The following ENTPD2 variants were observed in gnomAD, a reference collection of about 807,000 sequenced individuals.
ENTPD2 encodes the protein CD39 antigen-like 1.
In ENTPD2, 48 loss-of-function variants were observed where a neutral mutation model predicts 46.8. The ratio of observed to expected loss-of-function variants is 1.03; its 90% CI spans 0.81 to 1.30. The LOEUF is 1.30. ENTPD2 is among the 50% of genes most tolerant of loss of function. The probability of loss-of-function intolerance (pLI) is 0.00; values close to 1 mark genes in which losing one functional copy is unlikely to be tolerated. For synonymous variants in ENTPD2, 316 were observed against 286.1 expected, an observed-to-expected ratio of 1.10 and a Z score of -1.06; for missense variants, 707 against 651.1, an observed-to-expected ratio of 1.09 and a Z score of -0.93.
At position 137,052,279 on chromosome 9, in the gene ENTPD2, C is replaced by T. The variant is rs140457830; in HGVS notation, c.187G>A (p.Glu63Lys). The change falls in exon 2 of 9, where the codon GAG becomes AAG. Residue 63 changes from glutamate to lysine, a missense_variant. Glu to Lys is a moderately conservative substitution (Grantham distance 56). Transcript: ENST00000355097. ...MFIYKWPADK[E>K]NDTGIVGQHS... ...TGGCCCACAATGCCTGTGTCGTTCTCCTTGTCTGCCGGCCACTTGTAGATA... is the reference window on the plus strand; with the variant it reads ...TGGCCCACAATGCCTGTGTCGTTCTTCTTGTCTGCCGGCCACTTGTAGATA... 1.2e-6 allele frequency: 2 copies of T among 1,612,782 alleles called. No homozygotes were observed. The highest frequency in any genetic ancestry group is 1.3e-5 in the African/African-American group (1 of 75,004).
intron 1 of ENTPD2, chr9:137,052,896 C>T (rs1433554140): frequency 6.6e-6 from 1 of 152,404 alleles, no homozygotes; most frequent in Non-Finnish European, 1.5e-5. Context: ...AAGACACTCT[C>T]CCTAGGCCTC....
At chr9:137,051,702 C>T (rs747980495) in intron 2 of ENTPD2, 42 bp from the exon 3 acceptor site, 6 of 1,560,764 alleles carry the variant, frequency 3.8e-6, no homozygotes, top group Middle Eastern at 3.7e-4. Flanking sequence ...TCACGGGCAG[C>T]CCCTAGGTGG....
In ENTPD2 at chr9:137,048,991, C is replaced by T; in HGVS notation, c.1234G>A (p.Gly412Ser). 1.3e-6 allele frequency: 2 copies of T among 1,537,190 alleles called. No homozygotes were observed. The highest frequency in any genetic ancestry group is 1.7e-6 in the Non-Finnish European group (2 of 1,144,962). ...AAGGCGCGCTCGTCGAAGCCGTAGC[C>T]GCGACTCAGCAGCTGCTGCACGAAC... ...AMFVQQLLSR[G>S]YGFDERAFGG... is the part of the protein sequence containing the mutation. Residue 412 changes from glycine to serine, a missense_variant, in exon 8 of 9, where the codon GGC becomes AGC. Coordinates refer to ENST00000355097, the MANE Select transcript of ENTPD2 (RefSeq NM_203468.3).
rs1191538996 is a variant in ENTPD2 at position 137,049,091 on chromosome 9, G to A, written c.1150-16C>T. On this transcript the variant is annotated splice_polypyrimidine_tract_variant and intron_variant, in intron 7 of 8. Transcript: ENST00000355097. The stretch of plus-strand genomic sequence containing the variant: ...GAGCTTGCAGCTGGGACGCGGGCGG[G>A]ACACCGTCAGGCAGGCGACCACCAG... 1.2e-5 allele frequency: 19 copies of A among 1,530,356 alleles called. No homozygotes were observed. Among genetic ancestry groups the A allele is most frequent in the Non-Finnish European group, 1.6e-5 (18 of 1,143,994 alleles). The allele number at this position is 1,530,356 out of a possible 1,614,324, so 94.8% of individuals were successfully genotyped here. A position where few individuals can be genotyped will look rare whatever the true frequency, so the allele number is the denominator to read the frequency against.
At position 137,048,707 on chromosome 9, in the gene ENTPD2, C is replaced by A; in HGVS notation, c.1438G>T (p.Val480Phe). The change falls in exon 9 of 9, where the codon GTC becomes TTC. Residue 480 changes from valine (V) to phenylalanine (F), a missense_variant. Physicochemically the swap from Val to Phe is conservative, Grantham distance 50. Transcript: ENST00000355097. Reference sequence around the variant, plus strand: ...GAGTGCACCTGACGCAGCAGCAGGACAAGCGCAGCCAGGAGCGCGGAGGCG... The same window carrying A: ...GAGTGCACCTGACGCAGCAGCAGGAAAAGCGCAGCCAGGAGCGCGGAGGCG... ...LFASALLAALVLLLRQVHSAK... is the reference protein window; with the variant it reads ...LFASALLAALFLLLRQVHSAK... The A allele has an allele frequency of 6.2e-7, 1 of 1,606,122 alleles. No individual in the cohort carries two copies. Among genetic ancestry groups the A allele is most frequent in the Non-Finnish European group, 8.5e-7 (1 of 1,177,088 alleles).
intron 2 of ENTPD2, 61 bp downstream of exon 2, chr9:137,052,170 G>A (rs1167166238): frequency 2.7e-6 from 4 of 1,466,924 alleles, no homozygotes; most frequent in East Asian, 4.5e-5. Context: ...GCTAAGGCTG[G>A]AGAGGGTCCC....
At chr9:137,052,017 C>A (rs1832308332) in intron 2 of ENTPD2, among the ~76,000 whole-genome samples, 6 of 152,216 alleles carry the variant, frequency 3.9e-5, no homozygotes, top group Admixed American at 3.9e-4. Flanking sequence ...AGGCTCAAAC[C>A]TCCCCACCTG....
intron 1 of ENTPD2, chr9:137,052,751 C>T (rs532683522): frequency 1.9e-5 from 3 of 154,624 alleles, no homozygotes; most frequent in African/African-American, 2.4e-5. Context: ...CTCTTCCTTC[C>T]TCCCCTCTTC....
chr9:137,050,948 T>C lies in ENTPD2; in HGVS notation c.728A>G (p.Tyr243Cys). 6.2e-7 allele frequency: 1 copy of C among 1,612,616 alleles called. No individual in the cohort carries two copies. Among genetic ancestry groups the C allele is most frequent in the South Asian group, 1.1e-5 (1 of 91,072 alleles). The part of the protein sequence containing the change: ...YRVYTHSFLC[Y>C]GRDQVLQRLL... ...CCTCTGGAGGACCTGGTCACGGCCA[T>C]AGCAGAGGAAGCTGTGGGTGTAGAC... is the stretch of plus-strand genomic sequence containing the variant. The change falls in exon 5 of 9, where the codon TAT becomes TGT. Residue 243 changes from tyrosine (Y) to cysteine (C), a missense_variant. By Grantham distance (194) the Tyr-to-Cys change is radical (BLOSUM62 -2). Transcript: ENST00000355097.
intron 7 of ENTPD2, 178 bp downstream of exon 7, chr9:137,049,692 G>A (rs1359815860): frequency 2.7e-5 from 19 of 691,388 alleles, no homozygotes; most frequent in Non-Finnish European, 3.4e-5. Context: ...CAACCCGCCC[G>A]ACTTGTTCAC....
At chr9:137,049,291 T>TGG in intron 7 of ENTPD2, 1 of 818,152 alleles carries the variant, frequency 1.2e-6, no homozygotes, top group Non-Finnish European at 2.0e-6. Flanking sequence ...CCAGCGCCCA[T>TGG]GCCTGGAAGG....
chr9:137,052,799 G>T, intron 1 of ENTPD2: 1 of 153,602 alleles, frequency 6.5e-6, no homozygotes, highest in Non-Finnish European at 1.4e-5. Context: ...TCTGACGGCA[G>T]CCCAACCTGA....
intron 2 of ENTPD2, 67 bp from the exon 3 acceptor site, chr9:137,051,727 G>A (rs1588556417): frequency 2.0e-6 from 3 of 1,507,948 alleles, no homozygotes; most frequent in Admixed American, 2.3e-5. Flanking sequence ...TAGGCCAGGA[G>A]AGTGAGGGTG....
At position 137,049,000 on chromosome 9, in the gene ENTPD2, G is replaced by C; in HGVS notation, c.1225C>G (p.Leu409Val). ...CAGAMFVQQLLSRGYGFDERA... is the reference protein window; with the variant it reads ...CAGAMFVQQLVSRGYGFDERA... Reference sequence around the variant, plus strand: ...TCGTCGAAGCCGTAGCCGCGACTCAGCAGCTGCTGCACGAACATGGCCCCG... The same window carrying C: ...TCGTCGAAGCCGTAGCCGCGACTCACCAGCTGCTGCACGAACATGGCCCCG... Residue 409 changes from leucine to valine, a missense_variant, in exon 8 of 9, where the codon CTG becomes GTG. Transcript: ENST00000355097. 6.5e-7 allele frequency: 1 copy of C among 1,537,262 alleles called. No homozygotes were observed. The highest frequency in any genetic ancestry group is 2.5e-5 in the East Asian group (1 of 40,660).
At position 137,054,044 on chromosome 9, in the gene ENTPD2, G is replaced by A; in HGVS notation, c.-47C>T. 8.6e-7 allele frequency: 1 copy of A among 1,166,298 alleles called. No homozygotes were observed. Among genetic ancestry groups the A allele is most frequent in the Non-Finnish European group, 1.1e-6 (1 of 937,140 alleles). The allele number at this position is 1,166,298 out of a possible 1,614,324, so 72.2% of individuals were successfully genotyped here. A position where few individuals can be genotyped will look rare whatever the true frequency, so the allele number is the denominator to read the frequency against. ...GACGATGCGTGGACCCGGAGAGTGC[G>A]GGGAGCCGGAGGCGGAGGCGGGCGG... On this transcript the variant is annotated 5_prime_UTR_variant, in exon 1 of 9. Transcript: ENST00000355097.
In ENTPD2 at chr9:137,048,979, C is replaced by G. The variant is rs768023893; in HGVS notation, c.1246G>C (p.Asp416His). The G allele has an allele frequency of 1.0e-5, 16 of 1,536,110 alleles. No individual in the cohort carries two copies. Among genetic ancestry groups the G allele is most frequent in the South Asian group, 2.4e-5 (2 of 83,958 alleles). Residue 416 changes from aspartate (D) to histidine (H), a missense_variant, in exon 8 of 9, where the codon GAC (aspartate) becomes CAC (histidine). Asp to His is a moderately conservative substitution (Grantham distance 81). Transcript: ENST00000355097. Reference protein sequence around the residue: ...QQLLSRGYGFDERAFGGVIFQ... With the variant: ...QQLLSRGYGFHERAFGGVIFQ... ...ATCACGCCGCCGAAGGCGCGCTCGT[C>G]GAAGCCGTAGCCGCGACTCAGCAGC...
rs761509448 is a variant in ENTPD2, at chr9:137,051,314, G to C, written c.443C>G (p.Thr148Ser). ...SVLMAVTHTL[T>S]QYPFDFRGAR... is the part of the protein sequence containing the mutation. Reference sequence around the variant, plus strand: ...ACCCCGGAAGTCAAAGGGGTACTGGGTCAGTGTGTGAGTCACTGCCATGAG... The same window carrying C: ...ACCCCGGAAGTCAAAGGGGTACTGGCTCAGTGTGTGAGTCACTGCCATGAG... Residue 148 changes from threonine to serine, a missense_variant, in exon 4 of 9, where the codon ACC becomes AGC. Physicochemically the swap from Thr to Ser is moderately conservative, Grantham distance 58. Transcript: ENST00000355097. The C allele has an allele frequency of 1.9e-6, 3 of 1,601,946 alleles. No individual in the cohort carries two copies. Among genetic ancestry groups the C allele is most frequent in the South Asian group, 2.2e-5 (2 of 89,472 alleles).
At position 137,052,450 on chromosome 9, in the gene ENTPD2, C is replaced by CG. The variant is rs1040517130; in HGVS notation, c.118-103_118-102insC. The CG allele has an allele frequency of 3.5e-4, 304 of 874,518 alleles. 4 individuals carry two copies. In the East Asian group the frequency reaches 6.7e-3, roughly 19 times the overall value. 54.2% of individuals were successfully genotyped at this position (874,518 alleles called of 1,614,324 possible). A position where few individuals can be genotyped will look rare whatever the true frequency, so the allele number is the denominator to read the frequency against. ...TCCTCCAGTTTGCCACCGCTCCCCC[C>CG]CCCACCCAGTCATGTGCCAAGCCTC... On this transcript the variant is annotated intron_variant, in intron 1 of 8. Transcript: ENST00000355097.
At chr9:137,051,170 C>A (rs372911345) in intron 4 of ENTPD2, 41 bp from the exon 5 acceptor site, 1 of 1,611,512 alleles carries the variant, frequency 6.2e-7, no homozygotes, top group East Asian at 2.2e-5. Flanking sequence ...GGGCCGAGGG[C>A]GCCCACGCCC....
Sources: allele counts gnomAD v4.1 joint callset (sites outside exome capture counted in the v4.1 genomes callset), GRCh38; gene constraint gnomAD v4.1.1; transcripts MANE v1.5; gene names NCBI Gene and HGNC (gene_info 2026-07-23, HGNC 2026-07-21).